RUNX1: variants seen among roughly 807,000 people sequenced by gnomAD.
The protein encoded by RUNX1 is runt-related transcription factor 1.
In RUNX1, 19 loss-of-function variants were observed where a neutral mutation model predicts 42.8. The observed-to-expected ratio is 0.44, with a 90% confidence interval of 0.31 to 0.65. RUNX1 has a LOEUF of 0.65. RUNX1 is among the 30% of genes least tolerant of loss of function. The probability of loss-of-function intolerance (pLI) is 0.07; values close to 1 mark genes in which losing one functional copy is unlikely to be tolerated. For synonymous variants in RUNX1, 271 were observed against 289.4 expected (o/e 0.94, Z 0.64); for missense variants, 528 against 672.0 (o/e 0.79, Z 2.37).
At chr21:34,806,510 GA>G (rs1299031390) in intron 7 of RUNX1, among the ~76,000 whole-genome samples, 2 of 152,148 alleles carry the variant, frequency 1.3e-5, no homozygotes, top group East Asian at 3.9e-4. Context: ...ACTACACGGA[GA>G]AATAGGTAAA....
At chr21:34,857,551 C>T (rs530142205) in intron 6 of RUNX1, among the ~76,000 whole-genome samples, 5 of 152,308 alleles carry the variant, frequency 3.3e-5, no homozygotes, top group South Asian at 2.1e-4. Flanking sequence ...TCAGGCTGGT[C>T]GGCATTTCAA....
At chr21:34,871,243 A>C (rs966130169) in intron 5 of RUNX1, among the ~76,000 whole-genome samples, 6 of 151,996 alleles carry the variant, frequency 3.9e-5, no homozygotes, top group Admixed American at 3.9e-4. Context: ...ACCTACAGCA[A>C]CTCGTGAGCT....
chr21:34,974,881 T>C (rs1441665840), intron 2 of RUNX1, among the ~76,000 whole-genome samples: 2 of 152,268 alleles, frequency 1.3e-5, no homozygotes, highest in Non-Finnish European at 2.9e-5. Flanking sequence ...GACGTTATAA[T>C]GGCATGAATT....
intron 2 of RUNX1, among the ~76,000 whole-genome samples, chr21:34,958,342 CA>C (rs1367904116): frequency 6.6e-6 from 1 of 151,976 alleles, no homozygotes; most frequent in East Asian, 1.9e-4. Context: ...AAGACTCAAA[CA>C]AATTTACAAG....
chr21:34,828,322 A>G (rs992693686), intron 7 of RUNX1, among the ~76,000 whole-genome samples: 6 of 152,292 alleles, frequency 3.9e-5, no homozygotes, highest in Non-Finnish European at 7.4e-5. Context: ...TGGAGTAGGA[A>G]TTTCTACCTT....
intron 2 of RUNX1, among the ~76,000 whole-genome samples, chr21:35,003,721 G>A (rs1237788063): frequency 6.6e-6 from 1 of 152,042 alleles, no homozygotes; most frequent in Non-Finnish European, 1.5e-5. Context: ...CATTCTCAGG[G>A]GCAGATGCTT....
chr21:34,886,698 A>C, intron 4 of RUNX1, 145 bp downstream of exon 4: 1 of 1,304,954 alleles, frequency 7.7e-7, no homozygotes. Flanking sequence ...AGCATCCCCC[A>C]CATCCCAAGC....
intron 2 of RUNX1, among the ~76,000 whole-genome samples, chr21:34,906,471 A>C (rs528927576): frequency 6.6e-6 from 1 of 152,344 alleles, no homozygotes; most frequent in South Asian, 2.1e-4. Flanking sequence ...ACATTGTGGC[A>C]AGGGCTTTCT....
chr21:34,993,497 C>CCACACA (rs1569141566), intron 2 of RUNX1, among the ~76,000 whole-genome samples: 52 of 119,226 alleles, frequency 4.4e-4, no homozygotes, highest in African/African-American at 1.6e-3. Flanking sequence ...TTGTTTGTCC[C>CCACACA]TACACACACA....
chr21:34,816,259 C>T (rs978009169), intron 7 of RUNX1, among the ~76,000 whole-genome samples: 2 of 152,208 alleles, frequency 1.3e-5, no homozygotes, highest in Non-Finnish European at 2.9e-5. Context: ...GCACCCCTTT[C>T]TCTGCAGCTC....
intron 2 of RUNX1, among the ~76,000 whole-genome samples, chr21:34,953,443 T>G (rs1167453740): frequency 6.6e-6 from 1 of 152,118 alleles, no homozygotes; most frequent in Non-Finnish European, 1.5e-5. Context: ...CTGACTGGAA[T>G]GTGGACATGA....
chr21:34,838,579 CAGA>C (rs2057183827), intron 6 of RUNX1, among the ~76,000 whole-genome samples: 1 of 152,194 alleles, frequency 6.6e-6, no homozygotes. Context: ...ATCTGTATTT[CAGA>C]AGATGTTGGC....
chr21:34,822,089 T>C (rs1601393683), intron 7 of RUNX1, among the ~76,000 whole-genome samples: 1 of 152,220 alleles, frequency 6.6e-6, no homozygotes, highest in African/African-American at 2.4e-5. Context: ...CCTGAGAATG[T>C]TAGTTAGGGG....
In RUNX1 at chr21:34,834,563, T is replaced by A. The variant is rs2057114945; in HGVS notation, c.652A>T (p.Ser218Cys). The A allele has an allele frequency of 6.3e-7, 1 of 1,595,328 alleles. No homozygotes were observed. The highest frequency in any genetic ancestry group is 1.1e-5 in the South Asian group (1 of 90,760). ...QKLDDQTKPG[S>C]LSFSERLSEL... ...CTGAGCCGCTCGGAAAAGGACAAGC[T>A]CCCGGGCTTGGTCTGATCATCTAGT... The change falls in exon 7 of 9, where the codon AGC becomes TGC. Residue 218 changes from serine to cysteine, a missense_variant. Transcript: ENST00000675419.
chr21:35,010,942 C>T (rs952136445), intron 2 of RUNX1, among the ~76,000 whole-genome samples: 2 of 152,148 alleles, frequency 1.3e-5, no homozygotes, highest in East Asian at 3.8e-4. Flanking sequence ...ATGTGAACAT[C>T]ACAGGTAGGA....
chr21:34,926,092 C>T, intron 2 of RUNX1, among the ~76,000 whole-genome samples: 1 of 151,804 alleles, frequency 6.6e-6, no homozygotes, highest in Non-Finnish European at 1.5e-5. Context: ...TTTGATTAAC[C>T]TTTTGCTTTA....
At chr21:34,904,685 TA>T (rs1472869961) in intron 2 of RUNX1, among the ~76,000 whole-genome samples, 1 of 152,182 alleles carries the variant, frequency 6.6e-6, no homozygotes, top group Admixed American at 6.5e-5. Flanking sequence ...GAGGAGAATT[TA>T]AAATGTATTA....
At chr21:35,033,845 G>C (rs1022824789) in intron 2 of RUNX1, among the ~76,000 whole-genome samples, 2 of 152,162 alleles carry the variant, frequency 1.3e-5, no homozygotes, top group Admixed American at 6.5e-5. Flanking sequence ...TAGGAAAAGA[G>C]AAGGAAAATG....
At chr21:34,966,032 C>T (rs1405190431) in intron 2 of RUNX1, among the ~76,000 whole-genome samples, 1 of 150,410 alleles carries the variant, frequency 6.6e-6, no homozygotes, top group African/African-American at 2.5e-5. Flanking sequence ...CTGATGTCCC[C>T]AGGAGAAAGG....
Sources: gnomAD v4.1 joint callset for allele counts (sites outside exome capture counted in the v4.1 genomes callset) on GRCh38, gnomAD v4.1.1 for gene constraint, MANE v1.5 for transcripts, NCBI Gene and HGNC (gene_info 2026-07-23, HGNC 2026-07-21) for gene names.